ADARB2: variants seen among roughly 807,000 people sequenced by gnomAD.
The protein encoded by ADARB2 is inactive double-stranded RNA-specific editase B2.
A neutral mutation model predicts 62.2 loss-of-function variants in ADARB2; 25 were observed. The observed-to-expected ratio is 0.40, with a 90% CI of 0.29 to 0.56. The LOEUF is 0.56. ADARB2 is among the 20% of genes least tolerant of loss of function. ADARB2 has a pLI of 0.43. For missense variants in ADARB2, 1,071 were observed against 1,077.4 expected, an observed-to-expected ratio of 0.99 and a Z score of 0.08; for synonymous variants, 572 against 500.8, an observed-to-expected ratio of 1.14 and a Z score of -1.90.
At chr10:1,438,776 G>GCA (rs1830865903) in intron 1 of ADARB2, among the ~76,000 whole-genome samples, 9 of 77,824 alleles carry the variant, frequency 1.2e-4, no homozygotes, top group South Asian at 4.6e-4. Context: ...GTCTCTCCCA[G>GCA]GATGGAGGCA....
intron 3 of ADARB2, chr10:1,293,003 A>AG (rs1307662081): frequency 1.0e-4 from 5 of 47,674 alleles, no homozygotes; most frequent in African/African-American, 3.1e-4. Context: ...AGAGGGAGGG[A>AG]AGGAGAGAGG....
At chr10:1,287,176 C>T (rs1394009804) in intron 3 of ADARB2, among the ~76,000 whole-genome samples, 2 of 152,174 alleles carry the variant, frequency 1.3e-5, no homozygotes, top group African/African-American at 4.8e-5. Context: ...ACTGTGCTCA[C>T]AGGATGGTCC....
intron 1 of ADARB2, among the ~76,000 whole-genome samples, chr10:1,397,902 G>C (rs368880972): frequency 0.022 from 1,004 of 46,136 alleles, no homozygotes; most frequent in East Asian, 0.03. Context: ...CTCCCGAGTG[G>C]AGGCTTCCTG....
In ADARB2 at chr10:1,623,629, G is replaced by T. The variant is rs565810451; in HGVS notation, c.100+113422C>A. Among the ~76,000 whole-genome samples the T allele has an allele frequency of 4.3e-4, 65 of 152,296 alleles. 1 individual carries two copies. In the South Asian group the frequency reaches 0.012, roughly 29 times the overall value. ...CTTTGAACTCCTTGTCTGTCCCGTT[G>T]TACCGTCATCACCTTCTCTGTCATC... On this transcript the variant is annotated intron_variant, in intron 1 of 9. Transcript: ENST00000381312.
At chr10:1,555,285 T>G (rs987497114) in intron 1 of ADARB2, among the ~76,000 whole-genome samples, 1 of 152,218 alleles carries the variant, frequency 6.6e-6, no homozygotes, top group Admixed American at 6.5e-5. Context: ...CCTTGAGAAA[T>G]CTCCAAATTG....
At chr10:1,196,515 C>T (rs4880786) in intron 8 of ADARB2, among the ~76,000 whole-genome samples, 38,887 of 151,812 alleles carry the variant, frequency 0.26, 5,651 homozygotes, top group African/African-American at 0.37. Context: ...TTAAATTCTA[C>T]TGGGAAACAA....
chr10:1,435,322 T>TG (rs1830823136), intron 1 of ADARB2, among the ~76,000 whole-genome samples: 1 of 152,154 alleles, frequency 6.6e-6, no homozygotes, highest in African/African-American at 2.4e-5. Flanking sequence ...AGGGAGGGTG[T>TG]GAAGCTTTCC....
chr10:1,732,620 C>T (rs1472210953), intron 1 of ADARB2, among the ~76,000 whole-genome samples: 1 of 152,176 alleles, frequency 6.6e-6, no homozygotes, highest in Admixed American at 6.5e-5. Context: ...ATCAGTAAAT[C>T]CAGCCCTTCC....
chr10:1,596,115 G>A (rs1833331045), intron 1 of ADARB2, among the ~76,000 whole-genome samples: 1 of 152,360 alleles, frequency 6.6e-6, no homozygotes, highest in South Asian at 2.1e-4. Context: ...TGGATGACTG[G>A]ATTTTGTGGA....
chr10:1,584,343 G>A (rs969767510), intron 1 of ADARB2, among the ~76,000 whole-genome samples: 10 of 124,472 alleles, frequency 8.0e-5, no homozygotes, highest in Non-Finnish European at 1.3e-4. Context: ...ATGAAAAGTC[G>A]CCCCGTATCA....
intron 1 of ADARB2, among the ~76,000 whole-genome samples, chr10:1,433,525 G>A (rs940840459): frequency 2.0e-5 from 3 of 152,166 alleles, no homozygotes; most frequent in Non-Finnish European, 1.5e-5. Flanking sequence ...TCCCAGATGC[G>A]GACGTTCAGG....
intron 4 of ADARB2, among the ~76,000 whole-genome samples, chr10:1,259,718 G>A (rs972635898): frequency 8.5e-5 from 13 of 152,120 alleles, no homozygotes; most frequent in East Asian, 3.8e-4. Context: ...TTCTACCAGA[G>A]GTACAAGGAG....
chr10:1,692,651 C>A (rs1356978986), intron 1 of ADARB2, among the ~76,000 whole-genome samples: 1 of 152,162 alleles, frequency 6.6e-6, no homozygotes, highest in Non-Finnish European at 1.5e-5. Context: ...ATTAACTGGA[C>A]TGCTAACAAG....
At chr10:1,329,181 G>A (rs181113043) in intron 3 of ADARB2, among the ~76,000 whole-genome samples, 7 of 152,290 alleles carry the variant, frequency 4.6e-5, no homozygotes, top group East Asian at 1.9e-4. Context: ...ATTTCAGCAC[G>A]ACAGAGAGCA....
At position 1,292,727 on chromosome 10, in the gene ADARB2, G is replaced by C. The variant is rs1251504567; in HGVS notation, c.1078-21658C>G. On this transcript the variant is annotated intron_variant, in intron 3 of 9. Coordinates refer to ENST00000381312, the MANE Select transcript of ADARB2 (RefSeq NM_018702.4). ...TCCCGGCTGAGGCTGCGATGCCACT[G>C]CCCGCTGACGGCCCACTTGCCAGGA... is the stretch of plus-strand genomic sequence containing the variant. 2.6e-5 allele frequency: 4 copies of C among 152,312 alleles called. No homozygotes were observed. The Middle Eastern group carries it at 0.014, about 518-fold the overall frequency. The allele number at this position is 152,312 out of a possible 1,614,324, so 9.4% of individuals were successfully genotyped here.
At chr10:1,348,430 G>A (rs562149342) in intron 3 of ADARB2, among the ~76,000 whole-genome samples, 1 of 152,278 alleles carries the variant, frequency 6.6e-6, no homozygotes, top group Non-Finnish European at 1.5e-5. Flanking sequence ...CCTGAGCCCT[G>A]GAGCCTGTGA....
intron 1 of ADARB2, among the ~76,000 whole-genome samples, chr10:1,616,710 A>G (rs962715742): frequency 6.1e-5 from 9 of 147,208 alleles, no homozygotes; most frequent in African/African-American, 1.8e-4. Flanking sequence ...AGAGGGCTGC[A>G]TTCTGTTGCT....
chr10:1,627,341 C>G (rs1278513181), intron 1 of ADARB2, among the ~76,000 whole-genome samples: 2 of 152,166 alleles, frequency 1.3e-5, no homozygotes, highest in Non-Finnish European at 2.9e-5. Flanking sequence ...TCGCCTCCCA[C>G]AAAGGAGAGA....
chr10:1,581,826 ATGTGTGTGTGTGTGTGTGTGTGTG>A lies in ADARB2; in HGVS notation c.100+155201_100+155224del, dbSNP rs56180704. Among the ~76,000 whole-genome samples, 6 of 148,390 alleles carry A rather than the reference ATGTGTGTGTGTGTGTGTGTGTGTG, an allele frequency of 4.0e-5. No homozygotes were observed. In the East Asian group the frequency reaches 1.2e-3, roughly 30 times the overall value. On this transcript the variant is annotated intron_variant, in intron 1 of 9. Transcript: ENST00000381312. The stretch of plus-strand genomic sequence containing the variant: ...AGGCATAGAGATGACTTAGAAATAG[ATGTGTGTGTGTGTGTGTGTGTGTG>A]TGTGTGTGTGTGTGTGTGTGCAGAG...
Sources: gnomAD v4.1 joint callset for allele counts (sites outside exome capture counted in the v4.1 genomes callset) on GRCh38, gnomAD v4.1.1 for gene constraint, MANE v1.5 for transcripts, NCBI Gene and HGNC (gene_info 2026-07-23, HGNC 2026-07-21) for gene names.